Variants in RYR2 observed in about 807,000 individuals in gnomAD.
RYR2 encodes cardiac muscle ryanodine receptor-calcium release channel.
RYR2 carries 227 observed loss-of-function variants against 601.1 expected under a neutral mutation model. That is an observed-to-expected ratio of 0.38 (90% confidence interval 0.34 to 0.42). The LOEUF (loss-of-function observed/expected upper bound fraction) is 0.42, where lower values mean the gene tolerates loss of function less well. Among genes scored for constraint, RYR2 ranks in the 10% least tolerant of loss-of-function variants. The pLI is 1.00. For missense variants in RYR2, 4,646 were observed against 6,156.5 expected (o/e 0.75, Z 8.21); for synonymous variants, 2,223 against 2,175.1 (o/e 1.02, Z -0.61).
rs12569145 is a variant in RYR2 at position 237,550,317 on chromosome 1, T to C, written c.3067-227T>C. On this transcript the variant is annotated intron_variant, in intron 26 of 104. Coordinates refer to ENST00000366574, the MANE Select transcript of RYR2 (RefSeq NM_001035.3). ...CTGAAGTTGTTTTTTGTTATTGTTG[T>C]TTTTCCTTCTCATGGAGAGGGTCTG... Among the ~76,000 whole-genome samples the C allele has an allele frequency of 1.9e-3, 283 of 152,298 alleles. 8 individuals carry two copies. Among genetic ancestry groups the C allele is most frequent in the Admixed American group, 0.016 (238 of 15,296 alleles).
intron 24 of RYR2, among the ~76,000 whole-genome samples, chr1:237,515,218 G>T (rs1275086062): frequency 6.6e-6 from 1 of 152,114 alleles, no homozygotes; most frequent in Non-Finnish European, 1.5e-5. Flanking sequence ...TGTTACCAAA[G>T]GTTCAGTTTC....
chr1:237,562,172 CAAT>C (rs1333134378), intron 27 of RYR2, among the ~76,000 whole-genome samples: 2 of 151,990 alleles, frequency 1.3e-5, no homozygotes, highest in South Asian at 2.1e-4. Context: ...GTACTGTTGT[CAAT>C]AATATTTTAA....
At chr1:237,563,837 A>T (rs542790689) in intron 27 of RYR2, among the ~76,000 whole-genome samples, 1 of 152,282 alleles carries the variant, frequency 6.6e-6, no homozygotes, top group East Asian at 1.9e-4. Flanking sequence ...CATATTTGTG[A>T]AGTCTTGATA....
At chr1:237,686,524 G>C (rs1265289275) in intron 62 of RYR2, among the ~76,000 whole-genome samples, 2 of 152,042 alleles carry the variant, frequency 1.3e-5, no homozygotes, top group Non-Finnish European at 2.9e-5. Flanking sequence ...GAGTTTTGAG[G>C]GACGAGTAGA....
intron 3 of RYR2, among the ~76,000 whole-genome samples, chr1:237,350,953 G>T (rs1698789043): frequency 6.6e-6 from 1 of 151,894 alleles, no homozygotes; most frequent in African/African-American, 2.4e-5. Context: ...AGCACCATAT[G>T]CTGAGAAAGT....
At chr1:237,588,165 A>G (rs185263155) in intron 29 of RYR2, among the ~76,000 whole-genome samples, 87 of 152,140 alleles carry the variant, frequency 5.7e-4, no homozygotes, top group African/African-American at 2.0e-3. Flanking sequence ...GAAACTCATC[A>G]TTTACTCTTC....
At chr1:237,084,618 A>C (rs2148419986) in intron 1 of RYR2, among the ~76,000 whole-genome samples, 1 of 152,288 alleles carries the variant, frequency 6.6e-6, no homozygotes, top group South Asian at 2.1e-4. Context: ...TGATGCCAGG[A>C]GGAATTGAAG....
rs559145999 is a variant in RYR2, at chr1:237,592,579, G to A, written c.4275+726G>A. Among the ~76,000 whole-genome samples, 110 of 151,446 alleles carry A rather than the reference G, an allele frequency of 7.3e-4. 1 individual carries two copies. The highest frequency in any genetic ancestry group is 3.5e-3 in the Middle Eastern group (1 of 288). On this transcript the variant is annotated intron_variant, in intron 32 of 104. Transcript: ENST00000366574. ...ACCCAGGAGACAGAGGTTGCAGTGAGCCGACACGGTGTCACTGCACTCCAG... is the reference window on the plus strand; with the variant it reads ...ACCCAGGAGACAGAGGTTGCAGTGAACCGACACGGTGTCACTGCACTCCAG...
At chr1:237,336,035 G>GT (rs959169624) in intron 3 of RYR2, among the ~76,000 whole-genome samples, 12 of 152,070 alleles carry the variant, frequency 7.9e-5, no homozygotes, top group Non-Finnish European at 5.9e-5. Context: ...AAATTTAAGT[G>GT]TTTTTTTGTC....
chr1:237,727,117 G>A lies in RYR2; in HGVS notation c.10756G>A (p.Val3586Ile). 6.2e-7 allele frequency: 1 copy of A among 1,602,354 alleles called. No individual in the cohort carries two copies. The highest frequency in any genetic ancestry group is 8.5e-7 in the Non-Finnish European group (1 of 1,169,696). ...VEHPQRSKKA[V>I]WHKLLSKQRK... The stretch of plus-strand genomic sequence containing the variant: ...ACATCCTCAGAGATCTAAAAAGGCT[G>A]TATGGCATAAACTACTGTCCAAGCA... The change falls in exon 76 of 105, where the codon GTA (valine) becomes ATA (isoleucine). Residue 3586 changes from valine (V) to isoleucine (I), a missense_variant. Val to Ile is a conservative substitution (Grantham distance 29). Transcript: ENST00000366574.
chr1:237,604,082 T>G (rs1488939684), intron 35 of RYR2, among the ~76,000 whole-genome samples: 1 of 152,160 alleles, frequency 6.6e-6, no homozygotes, highest in Non-Finnish European at 1.5e-5. Flanking sequence ...CTAATAGACA[T>G]CTACAGAACT....
intron 17 of RYR2, among the ~76,000 whole-genome samples, chr1:237,491,262 C>A (rs879853484): frequency 6.6e-6 from 1 of 152,032 alleles, no homozygotes; most frequent in Admixed American, 6.6e-5. Context: ...ACTAAGAAAT[C>A]TTGTGTACTA....
intron 24 of RYR2, among the ~76,000 whole-genome samples, chr1:237,529,103 T>C (rs1489673810): frequency 6.6e-6 from 1 of 152,150 alleles, no homozygotes; most frequent in Non-Finnish European, 1.5e-5. Context: ...TCAGTAGATA[T>C]TTACTGAATG....
chr1:237,296,156 A>G (rs1692761583), intron 2 of RYR2, among the ~76,000 whole-genome samples: 1 of 152,156 alleles, frequency 6.6e-6, no homozygotes, highest in Non-Finnish European at 1.5e-5. Context: ...GGACTGTTCA[A>G]AGACAGAAAG....
chr1:237,163,195 C>T (rs1303951919), intron 1 of RYR2, among the ~76,000 whole-genome samples: 1 of 152,170 alleles, frequency 6.6e-6, no homozygotes, highest in Non-Finnish European at 1.5e-5. Context: ...CTCTAAGATA[C>T]CTGCAACCCC....
chr1:237,428,958 T>C (rs1706497124), intron 12 of RYR2, among the ~76,000 whole-genome samples: 2 of 152,010 alleles, frequency 1.3e-5, no homozygotes, highest in Non-Finnish European at 2.9e-5. Context: ...CTCACACCAC[T>C]GAGGGCTTTA....
intron 50 of RYR2, 81 bp downstream of exon 50, chr1:237,650,178 AT>A: frequency 2.3e-6 from 3 of 1,323,290 alleles, no homozygotes; most frequent in Non-Finnish European, 3.2e-6. Context: ...ATTATTTAGA[AT>A]TTTGGAAACA....
chr1:237,269,205 G>A (rs1689436894), intron 1 of RYR2, among the ~76,000 whole-genome samples: 1 of 151,442 alleles, frequency 6.6e-6, no homozygotes. Context: ...ACCACGCCCA[G>A]CTAATTTTTG....
chr1:237,736,748 G>A (rs1365958475), intron 79 of RYR2, among the ~76,000 whole-genome samples: 1 of 152,148 alleles, frequency 6.6e-6, no homozygotes, highest in Admixed American at 6.5e-5. Flanking sequence ...TAGGACTCAC[G>A]GACTGTGAAG....
Sources: gnomAD v4.1 joint callset for allele counts (sites outside exome capture counted in the v4.1 genomes callset) on GRCh38, gnomAD v4.1.1 for gene constraint, MANE v1.5 for transcripts, NCBI Gene and HGNC (gene_info 2026-07-23, HGNC 2026-07-21) for gene names.